Variants in CRPPA observed in about 807,000 individuals in gnomAD.
CRPPA encodes the protein CDP-L-ribitol pyrophosphorylase A.
In CRPPA, 43 loss-of-function variants were observed where a neutral mutation model predicts 52.0. That is an observed-to-expected ratio of 0.83 (90% CI 0.65 to 1.07). CRPPA has a LOEUF of 1.07. Among genes scored for constraint, CRPPA ranks in the 50% least tolerant of loss-of-function variants. CRPPA has a pLI of 0.00. For synonymous variants in CRPPA, 250 were observed against 203.5 expected (o/e 1.23, Z -1.94); for missense variants, 629 against 551.7 (o/e 1.14, Z -1.40).
intron 9 of CRPPA, among the ~76,000 whole-genome samples, chr7:16,179,796 C>T (rs1781375504): frequency 6.6e-6 from 1 of 152,100 alleles, no homozygotes; most frequent in Non-Finnish European, 1.5e-5. Context: ...CAGTAAAGAA[C>T]ACCCAAGGGT....
At chr7:16,355,837 G>A (rs1355272608) in intron 3 of CRPPA, among the ~76,000 whole-genome samples, 1 of 152,200 alleles carries the variant, frequency 6.6e-6, no homozygotes, top group Non-Finnish European at 1.5e-5. Context: ...CCAGCACAGT[G>A]ACTTGAGTAG....
At position 16,418,035 on chromosome 7, in the gene CRPPA, G is replaced by A. The variant is rs532247561; in HGVS notation, c.257+3031C>T. On this transcript the variant is annotated intron_variant, in intron 1 of 9. Transcript: ENST00000407010. ...CATGTCCTTTTCCTTATTTGAATTT[G>A]TATAAATTATCTTTTTTAATGAAGT... Among the ~76,000 whole-genome samples, 81 of 152,208 alleles carry A rather than the reference G, an allele frequency of 5.3e-4. 1 individual carries two copies. Among genetic ancestry groups the A allele is most frequent in the African/African-American group, 1.9e-3 (77 of 41,528 alleles).
chr7:16,161,201 C>T (rs1783297045), intron 9 of CRPPA, among the ~76,000 whole-genome samples: 1 of 152,152 alleles, frequency 6.6e-6, no homozygotes, highest in Admixed American at 6.5e-5. Flanking sequence ...TTTGCCCTGG[C>T]CAGAACTTCC....
intron 5 of CRPPA, among the ~76,000 whole-genome samples, chr7:16,292,572 CATCT>C (rs1250001802): frequency 3.9e-5 from 6 of 152,046 alleles, no homozygotes; most frequent in South Asian, 2.1e-4. Context: ...TATATCCATC[CATCT>C]GCCAGACTCC....
At chr7:16,245,493 C>A (rs1277440874) in intron 8 of CRPPA, among the ~76,000 whole-genome samples, 3 of 152,178 alleles carry the variant, frequency 2.0e-5, no homozygotes, top group Non-Finnish European at 4.4e-5. Context: ...TTCAAACACC[C>A]AGACACTATT....
intron 3 of CRPPA, among the ~76,000 whole-genome samples, chr7:16,367,933 C>G (rs1203361954): frequency 6.6e-6 from 1 of 152,098 alleles, no homozygotes; most frequent in Admixed American, 6.5e-5. Flanking sequence ...ATTAACACCC[C>G]AGAGACTGAT....
At chr7:16,134,611 C>T (rs535601465) in intron 9 of CRPPA, among the ~76,000 whole-genome samples, 10 of 152,238 alleles carry the variant, frequency 6.6e-5, no homozygotes, top group Admixed American at 6.5e-4. Flanking sequence ...AATGCCCCAA[C>T]CCAATGTTGT....
At chr7:16,396,595 G>A (rs534625430) in intron 2 of CRPPA, among the ~76,000 whole-genome samples, 71 of 152,340 alleles carry the variant, frequency 4.7e-4, no homozygotes, top group African/African-American at 1.6e-3. Flanking sequence ...AGGAAAAGAA[G>A]TCATTGTACG....
chr7:16,138,196 C>T (rs1782797542), intron 9 of CRPPA, among the ~76,000 whole-genome samples: 1 of 152,142 alleles, frequency 6.6e-6, no homozygotes, highest in African/African-American at 2.4e-5. Flanking sequence ...ACAAGATAAT[C>T]ATTTCTAAAG....
At position 16,188,983 on chromosome 7, in the gene CRPPA, A is replaced by G. The variant is rs77445108; in HGVS notation, c.1251+27083T>C. ...TAATTGAAAATAACAAAAAACATAG[A>G]AGAAAAAAATAACTTAAATGCAGAT... On this transcript the variant is annotated intron_variant, in intron 9 of 9. Coordinates refer to ENST00000407010, the MANE Select transcript of CRPPA (RefSeq NM_001101426.4). Among the ~76,000 whole-genome samples the G allele has an allele frequency of 5.9e-3, 899 of 152,314 alleles. 10 individuals are homozygous for G. The highest frequency in any genetic ancestry group is 0.021 in the African/African-American group (858 of 41,572).
chr7:16,133,533 T>TA (rs1319880097), intron 9 of CRPPA, among the ~76,000 whole-genome samples: 1 of 124,590 alleles, frequency 8.0e-6, no homozygotes, highest in African/African-American at 2.6e-5. Flanking sequence ...AGTATCTGCT[T>TA]AAAATGCTGT....
chr7:16,201,860 TCTTTTA>T (rs1163606072), intron 9 of CRPPA, among the ~76,000 whole-genome samples: 4 of 152,198 alleles, frequency 2.6e-5, no homozygotes, highest in African/African-American at 9.7e-5. Context: ...CATCCTTTAT[TCTTTTA>T]CTTCTCTTTC....
chr7:16,218,883 C>T (rs1391756126), intron 8 of CRPPA, among the ~76,000 whole-genome samples: 48 of 151,384 alleles, frequency 3.2e-4, no homozygotes, highest in South Asian at 8.4e-4. Flanking sequence ...GACAGATCAA[C>T]GAGACAGAAA....
intron 3 of CRPPA, among the ~76,000 whole-genome samples, chr7:16,370,670 A>G (rs1786725187): frequency 6.6e-6 from 1 of 152,174 alleles, no homozygotes; most frequent in South Asian, 2.1e-4. Context: ...CAGCAGAGAC[A>G]TAATTGCAGT....
At chr7:16,166,983 C>T (rs913590226) in intron 9 of CRPPA, among the ~76,000 whole-genome samples, 9 of 150,030 alleles carry the variant, frequency 6.0e-5, no homozygotes, top group Non-Finnish European at 1.3e-4. Flanking sequence ...GGCTGGAGTG[C>T]AGTGGTGCGA....
rs141323639 is a variant in CRPPA, at chr7:16,177,877, G to A, written c.1251+38189C>T. Among the ~76,000 whole-genome samples, 441 of 152,114 alleles carry A rather than the reference G, an allele frequency of 2.9e-3. 2 individuals carry two copies. The highest frequency in any genetic ancestry group is 0.01 in the African/African-American group (416 of 41,512). ...GCTATTTTCCCTCTGGAATTTCTGTGAGCCTAATATAACCACTGTGGTTCT... is the reference window on the plus strand; with the variant it reads ...GCTATTTTCCCTCTGGAATTTCTGTAAGCCTAATATAACCACTGTGGTTCT... On this transcript the variant is annotated intron_variant, in intron 9 of 9. Transcript: ENST00000407010.
intron 5 of CRPPA, among the ~76,000 whole-genome samples, chr7:16,299,002 C>T (rs898186488): frequency 6.6e-6 from 1 of 152,208 alleles, no homozygotes; most frequent in Non-Finnish European, 1.5e-5. Flanking sequence ...GCTGGCAGAT[C>T]GTGGGACTTA....
intron 2 of CRPPA, among the ~76,000 whole-genome samples, chr7:16,392,817 C>T (rs551131761): frequency 6.6e-6 from 1 of 152,064 alleles, no homozygotes; most frequent in African/African-American, 2.4e-5. Flanking sequence ...CACCCAGCCT[C>T]CTCCCCTACC....
At chr7:16,368,709 A>C (rs889597615) in intron 3 of CRPPA, among the ~76,000 whole-genome samples, 6 of 152,190 alleles carry the variant, frequency 3.9e-5, no homozygotes, top group Non-Finnish European at 7.4e-5. Context: ...GTGACCCTTT[A>C]AAGCTTCTAT....
Sources: gnomAD v4.1 joint callset for allele counts (sites outside exome capture counted in the v4.1 genomes callset) on GRCh38, gnomAD v4.1.1 for gene constraint, MANE v1.5 for transcripts, NCBI Gene and HGNC (gene_info 2026-07-23, HGNC 2026-07-21) for gene names.